The following CNTNAP5 variants were observed in gnomAD, a reference collection of about 807,000 sequenced individuals.
The protein encoded by CNTNAP5 is contactin associated protein family member 5.
CNTNAP5 carries 72 observed loss-of-function variants against 150.2 expected under a neutral mutation model. The observed-to-expected ratio is 0.48, with a 90% CI of 0.40 to 0.58. CNTNAP5 has a LOEUF of 0.58. Ranked by LOEUF, CNTNAP5 falls within the 20% of genes least tolerant of loss-of-function variation. CNTNAP5 has a pLI of 0.00. For missense variants in CNTNAP5, 1,636 were observed against 1,626.2 expected (o/e 1.01, Z -0.10); for synonymous variants, 672 against 619.8 (o/e 1.08, Z -1.25).
At chr2:124,515,770 C>T (rs933661827) in intron 8 of CNTNAP5, among the ~76,000 whole-genome samples, 5 of 152,148 alleles carry the variant, frequency 3.3e-5, no homozygotes, top group Non-Finnish European at 7.3e-5. Flanking sequence ...TTACTTGGAG[C>T]ATAATGAACA....
intron 13 of CNTNAP5, among the ~76,000 whole-genome samples, chr2:124,703,679 T>G (rs1679573565): frequency 6.6e-6 from 1 of 152,204 alleles, no homozygotes; most frequent in African/African-American, 2.4e-5. Context: ...CTCTAACTAC[T>G]GATCTTCCCA....
chr2:124,447,025 G>GT (rs746003988), intron 6 of CNTNAP5, 88 bp downstream of exon 6: 727 of 1,311,542 alleles, frequency 5.5e-4, no homozygotes, highest in Non-Finnish European at 6.4e-4. Context: ...ACTGAGAGAA[G>GT]TGGTGGGGCA....
chr2:124,639,450 A>G (rs1030841832), intron 12 of CNTNAP5, among the ~76,000 whole-genome samples: 16 of 152,214 alleles, frequency 1.1e-4, no homozygotes, highest in African/African-American at 3.9e-4. Context: ...AGATGCTCTC[A>G]CCCTTAGAGA....
chr2:124,337,749 C>A (rs1213404893), intron 3 of CNTNAP5, among the ~76,000 whole-genome samples: 10 of 152,092 alleles, frequency 6.6e-5, no homozygotes, highest in South Asian at 2.1e-4. Context: ...GTTTTGGTAC[C>A]AGTACCATGC....
chr2:124,545,179 A>AT (rs1695483846), intron 10 of CNTNAP5, among the ~76,000 whole-genome samples: 1 of 152,060 alleles, frequency 6.6e-6, no homozygotes, highest in Admixed American at 6.6e-5. Flanking sequence ...TTGGTTTCTA[A>AT]TTTTTTTCTA....
chr2:124,170,898 G>A (rs1684915392), intron 1 of CNTNAP5, among the ~76,000 whole-genome samples: 1 of 151,894 alleles, frequency 6.6e-6, no homozygotes, highest in African/African-American at 2.4e-5. Flanking sequence ...GTGTGACCTT[G>A]CACCAGTTAC....
At chr2:124,196,274 T>A (rs996336618) in intron 1 of CNTNAP5, among the ~76,000 whole-genome samples, 5 of 152,146 alleles carry the variant, frequency 3.3e-5, no homozygotes, top group Non-Finnish European at 5.9e-5. Flanking sequence ...AGCAAGGGAC[T>A]GGAGTGGATT....
chr2:124,849,917 A>T (rs1683121972), intron 19 of CNTNAP5, among the ~76,000 whole-genome samples: 2 of 152,190 alleles, frequency 1.3e-5, no homozygotes, highest in Admixed American at 1.3e-4. Context: ...CTAAGGAAGG[A>T]TGTCAAGTAT....
chr2:124,128,721 C>T (rs1008513511), intron 1 of CNTNAP5, among the ~76,000 whole-genome samples: 8 of 152,232 alleles, frequency 5.3e-5, no homozygotes, highest in Non-Finnish European at 1.0e-4. Context: ...CCATGGAATA[C>T]TATGCAGCCA....
chr2:124,813,643 C>T (rs1035401045), intron 19 of CNTNAP5, among the ~76,000 whole-genome samples: 16 of 151,722 alleles, frequency 1.1e-4, no homozygotes, highest in African/African-American at 3.9e-4. Flanking sequence ...CTCCCCACCA[C>T]TCCAACTCCT....
intron 13 of CNTNAP5, among the ~76,000 whole-genome samples, chr2:124,670,282 C>A (rs981813296): frequency 1.2e-4 from 18 of 149,476 alleles, no homozygotes; most frequent in Admixed American, 6.7e-5. Context: ...GAATATGAAG[C>A]ATATGTCATT....
intron 5 of CNTNAP5, 41 bp downstream of exon 5, chr2:124,434,728 GCTC>G (rs778424152): frequency 1.3e-5 from 20 of 1,521,628 alleles, no homozygotes; most frequent in African/African-American, 2.7e-5. Flanking sequence ...GGGATGGAGA[GCTC>G]CTTTACTCCA....
intron 3 of CNTNAP5, among the ~76,000 whole-genome samples, chr2:124,354,277 T>C (rs1343346202): frequency 2.0e-5 from 3 of 152,056 alleles, no homozygotes; most frequent in Non-Finnish European, 4.4e-5. Context: ...ACAAAAAAAA[T>C]CTTTGAGAAT....
rs199544695 is a variant in CNTNAP5 at position 124,873,730 on chromosome 2, TA to T, written c.3436+3971del. ...TAAAATGGCTACATGGAATTAATGATAAATGCAACTGAACTTCACAATTTTA... is the reference window on the plus strand; with the variant it reads ...TAAAATGGCTACATGGAATTAATGATAATGCAACTGAACTTCACAATTTTA... On this transcript the variant is annotated intron_variant, in intron 21 of 23. Transcript: ENST00000682447. Among the ~76,000 whole-genome samples, 50 of 152,236 alleles carry T rather than the reference TA, an allele frequency of 3.3e-4. No individual in the cohort carries two copies. In the East Asian group the frequency reaches 4.8e-3, roughly 15 times the overall value.
At chr2:124,428,808 G>C (rs1161930428) in intron 4 of CNTNAP5, among the ~76,000 whole-genome samples, 1 of 152,050 alleles carries the variant, frequency 6.6e-6, no homozygotes, top group Non-Finnish European at 1.5e-5. Context: ...TGGATTCAGA[G>C]AAAGAAATCT....
At chr2:124,620,449 C>T (rs1395945600) in intron 12 of CNTNAP5, among the ~76,000 whole-genome samples, 1 of 152,076 alleles carries the variant, frequency 6.6e-6, no homozygotes, top group African/African-American at 2.4e-5. Flanking sequence ...CTGTTTGTTG[C>T]TGCTCAACCT....
chr2:124,891,783 G>C (rs1678200594), intron 21 of CNTNAP5, among the ~76,000 whole-genome samples: 1 of 152,000 alleles, frequency 6.6e-6, no homozygotes, highest in Non-Finnish European at 1.5e-5. Context: ...TTTATGGTTT[G>C]TTGTTTTTGT....
chr2:124,151,083 C>T (rs576745667), intron 1 of CNTNAP5, among the ~76,000 whole-genome samples: 1 of 152,196 alleles, frequency 6.6e-6, no homozygotes, highest in Non-Finnish European at 1.5e-5. Context: ...AGCAGAAGAC[C>T]TAACACGGTC....
At chr2:124,225,744 G>T (rs926940222) in intron 2 of CNTNAP5, among the ~76,000 whole-genome samples, 7 of 152,136 alleles carry the variant, frequency 4.6e-5, no homozygotes, top group Non-Finnish European at 8.8e-5. Flanking sequence ...TATTAGAAGT[G>T]CAAGTTTGTA....
Sources: allele counts gnomAD v4.1 joint callset (sites outside exome capture counted in the v4.1 genomes callset), GRCh38; gene constraint gnomAD v4.1.1; transcripts MANE v1.5; gene names NCBI Gene and HGNC (gene_info 2026-07-23, HGNC 2026-07-21).